The following FRMD4A variants were observed in gnomAD, a reference collection of about 807,000 sequenced individuals.
The protein encoded by FRMD4A is FERM domain-containing protein 4A.
In FRMD4A, 29 loss-of-function variants were observed where a neutral mutation model predicts 129.1. That is an observed-to-expected ratio of 0.22 (90% confidence interval 0.17 to 0.31). FRMD4A has a LOEUF of 0.31. Ranked by LOEUF, FRMD4A falls within the 10% of genes least tolerant of loss-of-function variation. The pLI, the probability that FRMD4A is intolerant of heterozygous loss-of-function variation, is 1.00. For synonymous variants in FRMD4A, 634 were observed against 571.6 expected, an observed-to-expected ratio of 1.11 and a Z score of -1.56; for missense variants, 1,272 against 1,375.8, an observed-to-expected ratio of 0.92 and a Z score of 1.19.
chr10:13,708,146 G>A (rs1447156285), intron 12 of FRMD4A, among the ~76,000 whole-genome samples: 7 of 152,152 alleles, frequency 4.6e-5, no homozygotes, highest in African/African-American at 1.4e-4. Context: ...GTCTTTCTGC[G>A]GGGAACAGCT....
intron 2 of FRMD4A, among the ~76,000 whole-genome samples, chr10:14,187,383 T>G (rs1292572369): frequency 1.3e-5 from 2 of 152,204 alleles, no homozygotes; most frequent in Non-Finnish European, 2.9e-5. Flanking sequence ...ACAGAAGTCC[T>G]CAACCTTGCT....
intron 6 of FRMD4A, among the ~76,000 whole-genome samples, chr10:13,763,046 T>C (rs1212217388): frequency 6.6e-6 from 1 of 152,118 alleles, no homozygotes; most frequent in African/African-American, 2.4e-5. Flanking sequence ...CCAATATTCA[T>C]AGAACATCTT....
At chr10:13,674,334 G>T (rs2083780930) in intron 16 of FRMD4A, among the ~76,000 whole-genome samples, 1 of 152,200 alleles carries the variant, frequency 6.6e-6, no homozygotes, top group South Asian at 2.1e-4. Flanking sequence ...ACTATCACGT[G>T]AGGAGATGCT....
intron 2 of FRMD4A, among the ~76,000 whole-genome samples, chr10:13,884,182 A>ACG (rs1208227939): frequency 1.8e-5 from 1 of 56,380 alleles, no homozygotes; most frequent in Admixed American, 2.0e-4. Context: ...ACACTCACAC[A>ACG]CACACACACA....
chr10:14,206,821 A>AAAAAAAAAAGG (rs1842797450), intron 2 of FRMD4A, among the ~76,000 whole-genome samples: 1 of 88,242 alleles, frequency 1.1e-5, no homozygotes, highest in Non-Finnish European at 2.7e-5. Flanking sequence ...AAAAAAAAAA[A>AAAAAAAAAAGG]GAGAGACAGA....
intron 2 of FRMD4A, among the ~76,000 whole-genome samples, chr10:14,238,685 T>A (rs962047534): frequency 6.6e-6 from 1 of 152,066 alleles, no homozygotes; most frequent in African/African-American, 2.4e-5. Context: ...CCTCCCCTTA[T>A]GCTCCTTCCC....
rs2087547485 is a variant in FRMD4A at position 13,707,189 on chromosome 10, C to CT, written c.760-77dup. The CT allele has an allele frequency of 1.4e-4, 131 of 939,962 alleles. 1 individual carries two copies. In the South Asian group the frequency reaches 1.6e-3, roughly 12 times the overall value. 58.2% of individuals were successfully genotyped at this position (939,962 alleles called of 1,614,324 possible). On this transcript the variant is annotated intron_variant, in intron 12 of 24. Coordinates refer to ENST00000357447, the MANE Select transcript of FRMD4A (RefSeq NM_018027.5). ...CCATCTTCCCCTCTCTGCTGGTTAA[C>CT]TTTCGACAGCTGGCAGTTTCCTTAT...
chr10:14,323,582 T>G (rs1303981931), intron 2 of FRMD4A, among the ~76,000 whole-genome samples: 1 of 50 alleles, frequency 0.02, no homozygotes, highest in African/African-American at 0.062. Context: ...GTATCTATCC[T>G]TTTTGCCCTT....
At chr10:13,673,481 C>T (rs185503724) in intron 16 of FRMD4A, among the ~76,000 whole-genome samples, 3 of 152,274 alleles carry the variant, frequency 2.0e-5, no homozygotes, top group African/African-American at 4.8e-5. Context: ...TGTTTACCGG[C>T]GAAGCTCTTT....
intron 2 of FRMD4A, among the ~76,000 whole-genome samples, chr10:13,925,138 T>C (rs2095116663): frequency 6.6e-6 from 1 of 151,338 alleles, no homozygotes; most frequent in African/African-American, 2.4e-5. Flanking sequence ...CAGGCTGCAA[T>C]TGTGGTGGCA....
intron 2 of FRMD4A, among the ~76,000 whole-genome samples, chr10:14,297,137 A>ATTT (rs34998308): frequency 1.4e-5 from 2 of 146,916 alleles, no homozygotes; most frequent in Non-Finnish European, 1.5e-5. Context: ...TCTCTTTCTC[A>ATTT]TTTTTTTTTT....
chr10:14,148,624 A>T (rs1194547767), intron 2 of FRMD4A, among the ~76,000 whole-genome samples: 2 of 152,110 alleles, frequency 1.3e-5, no homozygotes, highest in Non-Finnish European at 2.9e-5. Flanking sequence ...TTAGCCAGGC[A>T]TGGTGGCATG....
intron 2 of FRMD4A, among the ~76,000 whole-genome samples, chr10:13,980,939 G>C (rs1268785027): frequency 2.0e-5 from 3 of 152,118 alleles, no homozygotes; most frequent in Non-Finnish European, 4.4e-5. Context: ...AACTCCAAGT[G>C]AGTAAGAAAA....
intron 2 of FRMD4A, among the ~76,000 whole-genome samples, chr10:14,262,723 A>G (rs1844846842): frequency 6.6e-6 from 1 of 152,226 alleles, no homozygotes; most frequent in Non-Finnish European, 1.5e-5. Context: ...ATAAAGCTCC[A>G]GTAATGGGGA....
chr10:14,124,639 G>C (rs182076337), intron 2 of FRMD4A, among the ~76,000 whole-genome samples: 312 of 152,304 alleles, frequency 2.0e-3, no homozygotes, highest in South Asian at 0.012. Flanking sequence ...TCATGCCACT[G>C]CATTCCAGCC....
chr10:14,053,389 G>A (rs1178504418), intron 2 of FRMD4A, among the ~76,000 whole-genome samples: 4 of 152,140 alleles, frequency 2.6e-5, no homozygotes, highest in Non-Finnish European at 5.9e-5. Context: ...AGGGTGTGCA[G>A]GGGGCACCTT....
chr10:13,853,150 G>A (rs532815806), intron 3 of FRMD4A, among the ~76,000 whole-genome samples: 8 of 152,252 alleles, frequency 5.3e-5, no homozygotes, highest in Admixed American at 2.0e-4. Context: ...CACATCATGC[G>A]GCAGCTCCCT....
intron 4 of FRMD4A, among the ~76,000 whole-genome samples, chr10:13,810,364 T>C (rs559164577): frequency 1.3e-5 from 2 of 152,338 alleles, no homozygotes; most frequent in Non-Finnish European, 2.9e-5. Context: ...TTTATTTTCA[T>C]AGTCGCTTTA....
At chr10:13,766,156 G>A (rs2130718242) in intron 6 of FRMD4A, among the ~76,000 whole-genome samples, 1 of 152,330 alleles carries the variant, frequency 6.6e-6, no homozygotes, top group South Asian at 2.1e-4. Context: ...CCATTATGTG[G>A]TCCCAGGAGA....
Sources: allele counts gnomAD v4.1 joint callset (sites outside exome capture counted in the v4.1 genomes callset), GRCh38; gene constraint gnomAD v4.1.1; transcripts MANE v1.5; gene names NCBI Gene and HGNC (gene_info 2026-07-23, HGNC 2026-07-21).